The following ATP12A variants were observed in gnomAD, a reference collection of about 807,000 sequenced individuals.
The protein encoded by ATP12A is potassium-transporting ATPase alpha chain 2.
In ATP12A, 81 loss-of-function variants were observed where a neutral mutation model predicts 111.2. The observed-to-expected ratio is 0.73, with a 90% CI of 0.61 to 0.88. The LOEUF is 0.88. ATP12A is among the 40% of genes least tolerant of loss of function. The probability of loss-of-function intolerance (pLI) is 0.00; values close to 1 mark genes in which losing one functional copy is unlikely to be tolerated. For missense variants in ATP12A, 1,196 were observed against 1,313.1 expected, an observed-to-expected ratio of 0.91 and a Z score of 1.38; for synonymous variants, 498 against 499.8, an observed-to-expected ratio of 1.00 and a Z score of 0.05.
intron 13 of ATP12A, among the ~76,000 whole-genome samples, chr13:24,701,653 C>A (rs1875402358): frequency 1.3e-5 from 2 of 152,182 alleles, no homozygotes; most frequent in African/African-American, 4.8e-5. Flanking sequence ...GGGGCTACCC[C>A]CAAGTAGACA....
chr13:24,707,228 G>C, intron 16 of ATP12A, 37 bp downstream of exon 16: 1 of 1,613,632 alleles, frequency 6.2e-7, no homozygotes, highest in Non-Finnish European at 8.5e-7. Context: ...AAGGGCCAGG[G>C]TGGTCTGGGG....
chr13:24,690,433 C>G lies in ATP12A; in HGVS notation c.642C>G (p.Ile214Met), dbSNP rs370415591. ...TGGAGGTCAAAGGAGGAGACCAGAT[C>G]CCTGCAGACATCAGGGTGCTGTCTT... Reference protein sequence around the residue: ...DIVEVKGGDQIPADIRVLSSQ... With the variant: ...DIVEVKGGDQMPADIRVLSSQ... The change falls in exon 6 of 23, where the codon ATC becomes ATG. Residue 214 changes from isoleucine (I) to methionine (M), a missense_variant. Coordinates refer to ENST00000381946, the MANE Select transcript of ATP12A (RefSeq NM_001676.7). The G allele has an allele frequency of 9.3e-6, 15 of 1,613,562 alleles. No homozygotes were observed. The highest frequency in any genetic ancestry group is 1.1e-5 in the Non-Finnish European group (13 of 1,179,926).
intron 11 of ATP12A, among the ~76,000 whole-genome samples, chr13:24,698,188 A>G (rs1015900601): frequency 6.6e-6 from 1 of 152,064 alleles, no homozygotes; most frequent in African/African-American, 2.4e-5. Flanking sequence ...GCCATTTTCT[A>G]TGACATCCAA....
Position 24,692,400 on chromosome 13 carries a change from T to C in ATP12A, c.1069-29T>C, listed in dbSNP as rs568295692. The C allele has an allele frequency of 1.9e-5, 31 of 1,608,054 alleles. No homozygotes were observed. In the East Asian group the frequency reaches 2.0e-4, roughly 10 times the overall value. ...GGACCTGAGTTCAAATGAGGATTTT[T>C]CCCAAAGCGTCCTTCCCTCTCCTGC... On this transcript the variant is annotated intron_variant, in intron 8 of 22. Coordinates refer to ENST00000381946, the MANE Select transcript of ATP12A (RefSeq NM_001676.7).
At chr13:24,699,766 G>A (rs1018462481) in intron 12 of ATP12A, among the ~76,000 whole-genome samples, 1 of 152,128 alleles carries the variant, frequency 6.6e-6, no homozygotes, top group East Asian at 1.9e-4. Context: ...CAGGGCTGGC[G>A]GAATGGTGCC....
At chr13:24,684,158 C>G (rs1874584326) in intron 2 of ATP12A, among the ~76,000 whole-genome samples, 1 of 151,980 alleles carries the variant, frequency 6.6e-6, no homozygotes, top group Non-Finnish European at 1.5e-5. Context: ...CTACTTGTAT[C>G]TGCCCAAAAC....
In ATP12A at chr13:24,710,807, G is replaced by T. The variant is rs750018931; in HGVS notation, c.2913G>T (p.Trp971Cys). 3 of 1,614,160 alleles carry T rather than the reference G, an allele frequency of 1.9e-6. No homozygotes were observed. The highest frequency in any genetic ancestry group is 2.5e-6 in the Non-Finnish European group (3 of 1,180,014). ...QQGLFRNKVI[W>C]VGITSQIIIG... ...TGTCTTGCAGAAATAAAGTCATCTG[G>T]GTGGGGATCACCTCACAGATCATCA... The change falls in exon 21 of 23, where the codon TGG becomes TGT. Residue 971 changes from tryptophan to cysteine, a missense_variant. Coordinates refer to ENST00000381946, the MANE Select transcript of ATP12A (RefSeq NM_001676.7).
At chr13:24,698,253 C>T (rs1875250361) in intron 11 of ATP12A, among the ~76,000 whole-genome samples, 1 of 152,100 alleles carries the variant, frequency 6.6e-6, no homozygotes, top group Admixed American at 6.5e-5. Context: ...CCTGTCGCCT[C>T]CTCCCCTCCT....
chr13:24,682,973 T>TTTTTTTTTTTTG (rs77902532), intron 2 of ATP12A, among the ~76,000 whole-genome samples: 1 of 145,624 alleles, frequency 6.9e-6, no homozygotes, highest in African/African-American at 2.6e-5. Flanking sequence ...TTTTTTTTTT[T>TTTTTTTTTTTTG]GAGACAGAGT....
chr13:24,692,003 T>TA (rs1206080137), intron 8 of ATP12A, among the ~76,000 whole-genome samples: 2 of 152,102 alleles, frequency 1.3e-5, no homozygotes, highest in Non-Finnish European at 2.9e-5. Context: ...TGAAACAACA[T>TA]AAAGGCTGCT....
chr13:24,704,690 A>G, intron 14 of ATP12A: 1 of 223,536 alleles, frequency 4.5e-6, no homozygotes, highest in South Asian at 5.8e-5. Flanking sequence ...GCTCTTTGGA[A>G]CGAGAGAAAG....
At chr13:24,692,762 C>T in intron 9 of ATP12A, 25 bp from the exon 10 acceptor site, 1 of 1,610,582 alleles carries the variant, frequency 6.2e-7, no homozygotes, top group Non-Finnish European at 8.5e-7. Context: ...CCCACAGCAG[C>T]CACTGTTCTT....
chr13:24,681,941 GTGTGTGTGTGTAT>G (rs1874457019), intron 2 of ATP12A, among the ~76,000 whole-genome samples: 1 of 132,020 alleles, frequency 7.6e-6, no homozygotes. Flanking sequence ...GTAGTGTGTG[GTGTGTGTGTGTAT>G]GTGTGGTGTG....
chr13:24,712,182 C>A lies in ATP12A; in HGVS notation c.*660C>A. 1 of 153,174 alleles carries A rather than the reference C, an allele frequency of 6.5e-6. No homozygotes were observed. The highest frequency in any genetic ancestry group is 1.5e-5 in the Non-Finnish European group (1 of 68,658). The allele number at this position is 153,174 out of a possible 1,614,324, so 9.5% of individuals were successfully genotyped here. A position where few individuals can be genotyped will look rare whatever the true frequency, so the allele number is the denominator to read the frequency against. On this transcript the variant is annotated 3_prime_UTR_variant, in exon 23 of 23. Coordinates refer to ENST00000381946, the MANE Select transcript of ATP12A (RefSeq NM_001676.7). ...CTTTATGCCCCGTCGCCCTCCACCC[C>A]TACATCAGCTCCTCCAAAACTGAGC...
chr13:24,707,528 A>C, intron 17 of ATP12A, 95 bp downstream of exon 17: 2 of 1,498,288 alleles, frequency 1.3e-6, no homozygotes, highest in Non-Finnish European at 1.8e-6. Context: ...GGACTAACTC[A>C]AGGCTTCTCA....
rs1010403158 is a variant in ATP12A at position 24,685,131 on chromosome 13, C to T, written c.169-183C>T. 5.9e-5 allele frequency among the ~76,000 whole-genome samples: 9 copies of T among 152,184 alleles called. No homozygotes were observed. Among genetic ancestry groups the T allele is most frequent in the African/African-American group, 1.9e-4 (8 of 41,450 alleles). On this transcript the variant is annotated intron_variant, in intron 2 of 22. Transcript: ENST00000381946. This position sits in a 1 kb window ranked among gnomAD's most constrained non-coding sequence, Gnocchi z 5.5. ...GACTCAGGGACAGTCACTCCTGAGG[C>T]AGTGCCATCCTTCGCTGGGCAGCTG... is the stretch of plus-strand genomic sequence containing the variant.
chr13:24,696,064 A>G (rs1456557711), intron 11 of ATP12A, among the ~76,000 whole-genome samples: 1 of 152,202 alleles, frequency 6.6e-6, no homozygotes, highest in Non-Finnish European at 1.5e-5. Context: ...GTGAAAATAG[A>G]GTGCGCAACA....
At chr13:24,682,887 G>T (rs1006921137) in intron 2 of ATP12A, among the ~76,000 whole-genome samples, 2 of 151,860 alleles carry the variant, frequency 1.3e-5, no homozygotes, top group Admixed American at 1.3e-4. Flanking sequence ...TGAGGATTTT[G>T]TAATTCACGT....
In ATP12A at chr13:24,709,435, TAAG is replaced by T. The variant is rs1875860453; in HGVS notation, c.2566_2568del (p.Lys856del). On this transcript the variant is annotated inframe_deletion, in exon 18 of 23. Coordinates refer to ENST00000381946, the MANE Select transcript of ATP12A (RefSeq NM_001676.7). Reference sequence around the variant, plus strand: ...TGAACAGGAAGCCTCGCCACAAGAATAAGGACAGGCTGGTGAACCAGCCGCTCG... The same window carrying T: ...TGAACAGGAAGCCTCGCCACAAGAATGACAGGCTGGTGAACCAGCCGCTCG... The T allele has an allele frequency of 6.2e-7, 1 of 1,613,962 alleles. No individual in the cohort carries two copies. The highest frequency in any genetic ancestry group is 1.3e-5 in the African/African-American group (1 of 74,956).
Sources: gnomAD v4.1 joint callset for allele counts (sites outside exome capture counted in the v4.1 genomes callset) on GRCh38, gnomAD v4.1.1 for gene constraint, Gnocchi (gnomAD v3.1) non-coding constraint, MANE v1.5 for transcripts, NCBI Gene and HGNC (gene_info 2026-07-23, HGNC 2026-07-21) for gene names.